The following NXPH1 variants were observed in gnomAD, a reference collection of about 807,000 sequenced individuals.
The protein encoded by NXPH1 is neurexophilin-1.
NXPH1 carries 5 observed loss-of-function variants against 23.7 expected under a neutral mutation model. The observed-to-expected ratio is 0.21, with a 90% CI of 0.11 to 0.44. NXPH1 has a LOEUF of 0.44. Ranked by LOEUF, NXPH1 falls within the 20% of genes least tolerant of loss-of-function variation. The probability of loss-of-function intolerance (pLI) is 0.99; values close to 1 mark genes in which losing one functional copy is unlikely to be tolerated. For synonymous variants in NXPH1, 144 were observed against 122.2 expected (o/e 1.18, Z -1.18); for missense variants, 324 against 321.6 (o/e 1.01, Z -0.06).
intron 2 of NXPH1, among the ~76,000 whole-genome samples, chr7:8,562,673 T>C (rs554461747): frequency 6.6e-6 from 1 of 151,880 alleles, no homozygotes; most frequent in South Asian, 2.1e-4. Context: ...GATATCCTAA[T>C]AGATAATATC....
At position 8,679,080 on chromosome 7, in the gene NXPH1, T is replaced by A. The variant is rs201908507; in HGVS notation, c.55-71928T>A. The stretch of plus-strand genomic sequence containing the variant: ...CTCCTGCCTCAACCTCCCGAGTAGC[T>A]GGGACTATAGGCGCCCACCACCACG... On this transcript the variant is annotated intron_variant, in intron 2 of 2. Transcript: ENST00000405863. 1.8e-4 allele frequency among the ~76,000 whole-genome samples: 28 copies of A among 151,642 alleles called. No individual in the cohort carries two copies. In the East Asian group the frequency reaches 2.9e-3, roughly 16 times the overall value.
chr7:8,749,155 C>T (rs1780522314), intron 2 of NXPH1, among the ~76,000 whole-genome samples: 1 of 152,230 alleles, frequency 6.6e-6, no homozygotes, highest in Non-Finnish European at 1.5e-5. Context: ...TCTCCTCAAA[C>T]ATCAGCTTAG....
At chr7:8,573,071 T>A (rs1818680796) in intron 2 of NXPH1, among the ~76,000 whole-genome samples, 1 of 151,606 alleles carries the variant, frequency 6.6e-6, no homozygotes, top group African/African-American at 2.4e-5. Flanking sequence ...TATATTTCCA[T>A]CCAGTCTTTC....
intron 2 of NXPH1, among the ~76,000 whole-genome samples, chr7:8,578,357 C>T (rs953989749): frequency 6.6e-6 from 1 of 152,156 alleles, no homozygotes; most frequent in Non-Finnish European, 1.5e-5. Context: ...ATCAAATCAT[C>T]GTTAAGTCAG....
chr7:8,626,524 AT>A (rs913481862), intron 2 of NXPH1, among the ~76,000 whole-genome samples: 3 of 150,690 alleles, frequency 2.0e-5, no homozygotes, highest in Admixed American at 6.6e-5. Context: ...TTGAATTTTC[AT>A]TTTTTTTCTT....
chr7:8,576,168 A>G (rs1316303288), intron 2 of NXPH1, among the ~76,000 whole-genome samples: 2 of 152,132 alleles, frequency 1.3e-5, no homozygotes, highest in Non-Finnish European at 2.9e-5. Context: ...AAACTCTTCC[A>G]TGGTCTTAAC....
At chr7:8,647,909 A>G (rs997459370) in intron 2 of NXPH1, among the ~76,000 whole-genome samples, 2 of 152,138 alleles carry the variant, frequency 1.3e-5, no homozygotes. Context: ...AATTTGAAAT[A>G]TATGAGTTGA....
chr7:8,494,388 T>A (rs757876446), intron 2 of NXPH1, among the ~76,000 whole-genome samples: 1 of 151,840 alleles, frequency 6.6e-6, no homozygotes, highest in Non-Finnish European at 1.5e-5. Context: ...TATCTTTTTC[T>A]TTTTTACTGC....
intron 2 of NXPH1, among the ~76,000 whole-genome samples, chr7:8,514,815 C>T (rs1404608870): frequency 2.0e-5 from 3 of 152,130 alleles, no homozygotes; most frequent in Non-Finnish European, 4.4e-5. Flanking sequence ...CCTCCACTCA[C>T]CTCCCCTTGC....
intron 2 of NXPH1, among the ~76,000 whole-genome samples, chr7:8,701,645 C>G (rs940618127): frequency 6.6e-6 from 1 of 152,040 alleles, no homozygotes; most frequent in Non-Finnish European, 1.5e-5. Context: ...TAAGTGTTCT[C>G]CCACTGAATT....
chr7:8,717,370 T>C (rs1328284741), intron 2 of NXPH1, among the ~76,000 whole-genome samples: 1 of 152,118 alleles, frequency 6.6e-6, no homozygotes, highest in Non-Finnish European at 1.5e-5. Flanking sequence ...AGTTCTGAGA[T>C]TGATGAAAAA....
At chr7:8,487,390 G>A (rs1181985894) in intron 2 of NXPH1, among the ~76,000 whole-genome samples, 1 of 152,138 alleles carries the variant, frequency 6.6e-6, no homozygotes, top group African/African-American at 2.4e-5. Flanking sequence ...CTTGTCTGCT[G>A]CCATGTAAGA....
chr7:8,683,772 A>G (rs941731235), intron 2 of NXPH1, among the ~76,000 whole-genome samples: 3 of 152,158 alleles, frequency 2.0e-5, no homozygotes, highest in Non-Finnish European at 2.9e-5. Flanking sequence ...ACAAATATAT[A>G]TTGACACATA....
At chr7:8,437,230 A>G (rs1816212453) in intron 2 of NXPH1, among the ~76,000 whole-genome samples, 1 of 152,204 alleles carries the variant, frequency 6.6e-6, no homozygotes, top group Admixed American at 6.5e-5. Context: ...GAATGCAAAA[A>G]GTGTCCTTCC....
At chr7:8,698,630 G>A (rs768995583) in intron 2 of NXPH1, among the ~76,000 whole-genome samples, 9 of 152,192 alleles carry the variant, frequency 5.9e-5, no homozygotes, top group Admixed American at 3.3e-4. Flanking sequence ...GTGTATATAG[G>A]TTACAGTATC....
At chr7:8,543,237 GA>G (rs1818145897) in intron 2 of NXPH1, among the ~76,000 whole-genome samples, 1 of 151,364 alleles carries the variant, frequency 6.6e-6, no homozygotes. Context: ...TGCTCATGTT[GA>G]AACTCCACAT....
chr7:8,733,058 G>T (rs1269368070), intron 2 of NXPH1, among the ~76,000 whole-genome samples: 2 of 151,796 alleles, frequency 1.3e-5, no homozygotes, highest in African/African-American at 4.8e-5. Flanking sequence ...CCCCCTGTGT[G>T]TAATGTTTCC....
chr7:8,539,704 T>C (rs1476176329), intron 2 of NXPH1, among the ~76,000 whole-genome samples: 2 of 151,848 alleles, frequency 1.3e-5, no homozygotes, highest in Non-Finnish European at 2.9e-5. Context: ...TCAATGCACA[T>C]GTATTAATAA....
intron 2 of NXPH1, among the ~76,000 whole-genome samples, chr7:8,628,645 C>G (rs1321668579): frequency 1.3e-5 from 2 of 151,414 alleles, no homozygotes; most frequent in Non-Finnish European, 2.9e-5. Context: ...GTACTATAAT[C>G]AATGCAGAGA....
Sources: gnomAD v4.1 joint callset for allele counts (sites outside exome capture counted in the v4.1 genomes callset) on GRCh38, gnomAD v4.1.1 for gene constraint, MANE v1.5 for transcripts, NCBI Gene and HGNC (gene_info 2026-07-23, HGNC 2026-07-21) for gene names.